The following PIGU variants were observed in gnomAD, a reference collection of about 807,000 sequenced individuals.
PIGU encodes phosphatidylinositol glycan anchor biosynthesis class U.
In PIGU, 24 loss-of-function variants were observed where a neutral mutation model predicts 49.9. The observed-to-expected ratio is 0.48, with a 90% CI of 0.35 to 0.68. The LOEUF is 0.68. Among genes scored for constraint, PIGU ranks in the 30% least tolerant of loss-of-function variants. The pLI is 0.01. For synonymous variants in PIGU, 220 were observed against 205.7 expected, an observed-to-expected ratio of 1.07 and a Z score of -0.59; for missense variants, 490 against 532.6, an observed-to-expected ratio of 0.92 and a Z score of 0.79.
rs143021173 is a variant in PIGU, at chr20:34,645,883, C to T, written c.196-549G>A. The stretch of plus-strand genomic sequence containing the variant: ...CTGCACTCCAGCGTGGGCAACAGAG[C>T]GAGACTCTGTCTCAAAAAAAATAAA... On this transcript the variant is annotated intron_variant, in intron 2 of 11. Transcript: ENST00000217446. Among the ~76,000 whole-genome samples, 31 of 151,884 alleles carry T rather than the reference C, an allele frequency of 2.0e-4. No homozygotes were observed. The East Asian group carries it at 5.0e-3, about 25-fold the overall frequency.
At chr20:34,562,732 C>T (rs529676544) in intron 11 of PIGU, among the ~76,000 whole-genome samples, 2 of 152,362 alleles carry the variant, frequency 1.3e-5, no homozygotes, top group South Asian at 2.1e-4. Flanking sequence ...TTGGTCACAG[C>T]GTCAGCAAAG....
chr20:34,601,302 T>C (rs6088536), intron 7 of PIGU, among the ~76,000 whole-genome samples: 66,537 of 151,944 alleles, frequency 0.44, 15,149 homozygotes, highest in Non-Finnish European at 0.49. Context: ...AAGGTTTGCT[T>C]GGGGAACAGG....
At chr20:34,620,348 C>A (rs1461654921) in intron 6 of PIGU, among the ~76,000 whole-genome samples, 1 of 152,182 alleles carries the variant, frequency 6.6e-6, no homozygotes, top group African/African-American at 2.4e-5. Flanking sequence ...TCTGCCCAAG[C>A]CATCCTTCTC....
intron 1 of PIGU, among the ~76,000 whole-genome samples, chr20:34,664,755 CAAG>C (rs1987032973): frequency 6.6e-6 from 1 of 151,966 alleles, no homozygotes; most frequent in Admixed American, 6.6e-5. Flanking sequence ...TTTGAGAGGC[CAAG>C]GAGGGTATAT....
At chr20:34,619,529 G>C (rs770957033) in intron 6 of PIGU, among the ~76,000 whole-genome samples, 6 of 152,206 alleles carry the variant, frequency 3.9e-5, no homozygotes, top group Non-Finnish European at 8.8e-5. Flanking sequence ...AGAGGCCCAT[G>C]TGTCTGTTAC....
chr20:34,639,535 T>TGA (rs201901133), intron 4 of PIGU, among the ~76,000 whole-genome samples: 161 of 150,338 alleles, frequency 1.1e-3, no homozygotes, highest in East Asian at 1.8e-3. Flanking sequence ...GATGAAAGTA[T>TGA]GAGAGAGAGA....
chr20:34,571,031 A>T (rs1187011480), intron 11 of PIGU, among the ~76,000 whole-genome samples: 1 of 152,196 alleles, frequency 6.6e-6, no homozygotes, highest in Non-Finnish European at 1.5e-5. Context: ...GTTATGTCCA[A>T]TCCTCTCAAC....
At chr20:34,616,204 C>G (rs902937674) in intron 6 of PIGU, 65 bp from the exon 7 acceptor site, 7 of 1,545,710 alleles carry the variant, frequency 4.5e-6, no homozygotes, top group African/African-American at 1.4e-5. Flanking sequence ...CTCAGCAAGT[C>G]CCTCTCAACA....
At chr20:34,648,155 T>C (rs1600658744) in intron 2 of PIGU, among the ~76,000 whole-genome samples, 1 of 151,078 alleles carries the variant, frequency 6.6e-6, no homozygotes, top group South Asian at 2.1e-4. Flanking sequence ...GGAGGCTGAG[T>C]TGGGAGAATT....
At chr20:34,618,036 G>A (rs961008095) in intron 6 of PIGU, among the ~76,000 whole-genome samples, 3 of 151,962 alleles carry the variant, frequency 2.0e-5, no homozygotes, top group African/African-American at 7.3e-5. Flanking sequence ...CCAGCCATGT[G>A]GAACTATAAG....
chr20:34,670,192 CTT>C (rs11476375), intron 1 of PIGU, among the ~76,000 whole-genome samples: 139 of 137,388 alleles, frequency 1.0e-3, no homozygotes, highest in Middle Eastern at 3.7e-3. Context: ...GTAATAACGG[CTT>C]TTTTTTTTTT....
chr20:34,608,529 T>C (rs1380521061), intron 7 of PIGU, among the ~76,000 whole-genome samples: 1 of 152,214 alleles, frequency 6.6e-6, no homozygotes, highest in East Asian at 1.9e-4. Context: ...ATTTTGCTTT[T>C]TTTTGTTGTT....
At chr20:34,612,151 T>C (rs887867557) in intron 7 of PIGU, among the ~76,000 whole-genome samples, 2 of 152,134 alleles carry the variant, frequency 1.3e-5, no homozygotes, top group African/African-American at 4.8e-5. Context: ...ATGTGGCATA[T>C]ATACACCATG....
At chr20:34,622,167 C>T (rs145304685) in intron 6 of PIGU, among the ~76,000 whole-genome samples, 2 of 152,254 alleles carry the variant, frequency 1.3e-5, no homozygotes, top group South Asian at 2.1e-4. Context: ...TGAAAATTCA[C>T]GTATCTGTAC....
intron 1 of PIGU, among the ~76,000 whole-genome samples, chr20:34,672,838 G>C (rs1987348583): frequency 7.4e-6 from 1 of 134,394 alleles, no homozygotes; most frequent in Non-Finnish European, 1.5e-5. Context: ...CTGGGAGACA[G>C]AGTGGGACCC....
chr20:34,664,826 C>G (rs1420208211), intron 1 of PIGU, among the ~76,000 whole-genome samples: 2 of 151,742 alleles, frequency 1.3e-5, no homozygotes, highest in Admixed American at 6.6e-5. Context: ...CTGTCTCTAC[C>G]AAAAATACAA....
At chr20:34,590,626 CATAA>C (rs1983923479) in intron 7 of PIGU, among the ~76,000 whole-genome samples, 1 of 151,362 alleles carries the variant, frequency 6.6e-6, no homozygotes, top group African/African-American at 2.4e-5. Flanking sequence ...CATAACATAA[CATAA>C]CATAACACAA....
Position 34,575,191 on chromosome 20 carries a change from G to A in PIGU, c.1107C>T (p.Phe369=). ...AAATCCAGAGGTGCCACAGGACAGG[G>A]AAGAGCAGGGAACAGACGATGATGA... The part of the protein sequence containing the change: ...TCIIIVCSLL[F]PVLWHLWIYA... The change falls in exon 11 of 12, where the codon TTC becomes TTT. Residue 369 remains phenylalanine, a synonymous_variant. Coordinates refer to ENST00000217446, the MANE Select transcript of PIGU (RefSeq NM_080476.5). 1.2e-6 allele frequency: 2 copies of A among 1,614,164 alleles called. No individual in the cohort carries two copies. Among genetic ancestry groups the A allele is most frequent in the Non-Finnish European group, 1.7e-6 (2 of 1,180,014 alleles).
At chr20:34,616,641 G>A (rs1405535315) in intron 6 of PIGU, among the ~76,000 whole-genome samples, 1 of 151,970 alleles carries the variant, frequency 6.6e-6, no homozygotes. Flanking sequence ...TATTAATTTT[G>A]TTAGTAATGT....
Sources: allele counts gnomAD v4.1 joint callset (sites outside exome capture counted in the v4.1 genomes callset), GRCh38; gene constraint gnomAD v4.1.1; transcripts MANE v1.5; gene names NCBI Gene and HGNC (gene_info 2026-07-23, HGNC 2026-07-21).